OBI1: variants seen among roughly 807,000 people sequenced by gnomAD.
OBI1 encodes ORC ubiquitin ligase 1.
OBI1 carries 59 observed loss-of-function variants against 62.4 expected under a neutral mutation model. The observed-to-expected ratio is 0.95, with a 90% CI of 0.77 to 1.17. The LOEUF is 1.17. OBI1 is among the 50% of genes most tolerant of loss of function. The pLI is 0.00. For synonymous variants in OBI1, 302 were observed against 292.8 expected, an observed-to-expected ratio of 1.03 and a Z score of -0.32; for missense variants, 875 against 830.9, an observed-to-expected ratio of 1.05 and a Z score of -0.65.
At chr13:78,624,807 A>G (rs771247767) in intron 5 of OBI1, among the ~76,000 whole-genome samples, 3 of 152,046 alleles carry the variant, frequency 2.0e-5, no homozygotes, top group Non-Finnish European at 4.4e-5. Context: ...ATGCTGGCCA[A>G]TTTCACCCTA....
At chr13:78,634,690 A>G (rs1875967108) in intron 5 of OBI1, among the ~76,000 whole-genome samples, 1 of 152,234 alleles carries the variant, frequency 6.6e-6, no homozygotes, top group Admixed American at 6.5e-5. Flanking sequence ...AAAATAGAGA[A>G]TAATAATAGT....
intron 1 of OBI1, among the ~76,000 whole-genome samples, chr13:78,656,467 A>G (rs1876704175): frequency 1.3e-5 from 2 of 152,198 alleles, no homozygotes; most frequent in African/African-American, 4.8e-5. Context: ...CTGTAATCCC[A>G]GCTACTCAGG....
chr13:78,643,606 T>C (rs1267831816), intron 2 of OBI1, among the ~76,000 whole-genome samples: 1 of 152,092 alleles, frequency 6.6e-6, no homozygotes, highest in Non-Finnish European at 1.5e-5. Context: ...CTGACCAACA[T>C]GGAGAAACCC....
At chr13:78,617,554 A>C (rs1283645244) in intron 5 of OBI1, among the ~76,000 whole-genome samples, 1 of 152,228 alleles carries the variant, frequency 6.6e-6, no homozygotes. Context: ...AGTGTTTTAC[A>C]ATACATTTCT....
At chr13:78,625,015 T>A (rs1208939883) in intron 5 of OBI1, among the ~76,000 whole-genome samples, 2 of 152,196 alleles carry the variant, frequency 1.3e-5, no homozygotes, top group Non-Finnish European at 2.9e-5. Context: ...TACTGTGGAA[T>A]AAATTCTATT....
At chr13:78,638,110 C>T (rs1400375315) in intron 4 of OBI1, among the ~76,000 whole-genome samples, 1 of 152,208 alleles carries the variant, frequency 6.6e-6, no homozygotes, top group Admixed American at 6.5e-5. Flanking sequence ...TAAACTTGAA[C>T]TCAAGCTAAA....
In OBI1 at chr13:78,616,993, C is replaced by T. The variant is rs754176940; in HGVS notation, c.768G>A (p.Gln256=). Residue 256 remains glutamine (Q), a synonymous_variant, in exon 6 of 6, where the codon CAG becomes CAA. Coordinates refer to ENST00000282003, the MANE Select transcript of OBI1 (RefSeq NM_024546.4). ...CTTTCTCTTCACTTGAATTTTTTAG[C>T]TGTGCAACTTGAGATTCTAGTTCCT... The part of the protein sequence containing the change: ...YIEELESQVA[Q]LKNSSEEKEA... 8.7e-6 allele frequency: 14 copies of T among 1,614,156 alleles called. No individual in the cohort carries two copies. The highest frequency in any genetic ancestry group is 1.1e-5 in the Non-Finnish European group (13 of 1,180,026).
At chr13:78,644,208 T>C (rs1213838393) in intron 2 of OBI1, among the ~76,000 whole-genome samples, 2 of 152,246 alleles carry the variant, frequency 1.3e-5, no homozygotes, top group Non-Finnish European at 2.9e-5. Flanking sequence ...GTAATATTTG[T>C]AAAGCACATT....
intron 5 of OBI1, among the ~76,000 whole-genome samples, chr13:78,626,214 A>G (rs1279810587): frequency 6.6e-6 from 1 of 152,226 alleles, no homozygotes; most frequent in African/African-American, 2.4e-5. Context: ...CCTTTGCTCT[A>G]ATGTGGAGAA....
At chr13:78,628,292 C>T (rs1032033539) in intron 5 of OBI1, among the ~76,000 whole-genome samples, 13 of 152,162 alleles carry the variant, frequency 8.5e-5, no homozygotes, top group Admixed American at 2.6e-4. Context: ...GATTAGTGTT[C>T]GGTCATATGG....
intron 5 of OBI1, among the ~76,000 whole-genome samples, chr13:78,624,175 T>C (rs1875597395): frequency 6.6e-6 from 1 of 152,192 alleles, no homozygotes; most frequent in Non-Finnish European, 1.5e-5. Flanking sequence ...TCTCAGGGTA[T>C]AATTAAGAGA....
chr13:78,645,143 C>T (rs1876343707), intron 1 of OBI1, 146 bp from the exon 2 acceptor site: 1 of 697,976 alleles, frequency 1.4e-6, no homozygotes, highest in African/African-American at 1.8e-5. Flanking sequence ...AACACTGCTT[C>T]TGTTGGTCAC....
chr13:78,645,970 G>A lies in OBI1; in HGVS notation c.73-973C>T, dbSNP rs574249310. 2.0e-5 allele frequency among the ~76,000 whole-genome samples: 3 copies of A among 152,172 alleles called. No homozygotes were observed. In the South Asian group the frequency reaches 6.2e-4, roughly 32 times the overall value. On this transcript the variant is annotated intron_variant, in intron 1 of 5. Transcript: ENST00000282003. ...TGGCCTGTAGTCATATTTTACAAAC[G>A]GCTTTCACATGCATCTTTCACCGCC...
chr13:78,649,281 A>T (rs1408106291), intron 1 of OBI1, among the ~76,000 whole-genome samples: 1 of 152,234 alleles, frequency 6.6e-6, no homozygotes, highest in Non-Finnish European at 1.5e-5. Flanking sequence ...AAGAGCAACC[A>T]GCAGAGGAAA....
intron 5 of OBI1, among the ~76,000 whole-genome samples, chr13:78,622,287 A>G (rs573217713): frequency 6.6e-6 from 1 of 152,136 alleles, no homozygotes; most frequent in Non-Finnish European, 1.5e-5. Context: ...TCCAAAAAAA[A>G]AAATATATAT....
chr13:78,618,011 T>C (rs1055291178), intron 5 of OBI1, among the ~76,000 whole-genome samples: 5 of 151,902 alleles, frequency 3.3e-5, no homozygotes, highest in African/African-American at 1.2e-4. Flanking sequence ...GTACCTAGTA[T>C]AGGTTAGGTG....
intron 4 of OBI1, among the ~76,000 whole-genome samples, chr13:78,635,743 T>C (rs887095108): frequency 1.3e-5 from 2 of 152,168 alleles, no homozygotes; most frequent in African/African-American, 4.8e-5. Context: ...ATTGGATCTA[T>C]CTATCTATCT....
chr13:78,635,011 T>C (rs78779563), intron 5 of OBI1, 99 bp downstream of exon 5: 6 of 650,862 alleles, frequency 9.2e-6, no homozygotes, highest in South Asian at 4.6e-5. Flanking sequence ...TAAATCTACA[T>C]GATTAAATGA....
chr13:78,658,730 G>A (rs1876788249), intron 1 of OBI1, among the ~76,000 whole-genome samples: 1 of 152,196 alleles, frequency 6.6e-6, no homozygotes, highest in Non-Finnish European at 1.5e-5. Flanking sequence ...TCCCTGCGAT[G>A]CGTTTCTGAT....
Sources: gnomAD v4.1 joint callset for allele counts (sites outside exome capture counted in the v4.1 genomes callset) on GRCh38, gnomAD v4.1.1 for gene constraint, MANE v1.5 for transcripts, NCBI Gene and HGNC (gene_info 2026-07-23, HGNC 2026-07-21) for gene names.